Variants in ART3 observed in about 807,000 individuals in gnomAD.
The protein encoded by ART3 is ADP-ribosyltransferase 3 (inactive).
ART3 carries 49 observed loss-of-function variants against 48.5 expected under a neutral mutation model. That is an observed-to-expected ratio of 1.01 (90% CI 0.80 to 1.28). ART3 has a LOEUF of 1.28. ART3 is among the 50% of genes most tolerant of loss of function. The probability of loss-of-function intolerance (pLI) is 0.00; values close to 1 mark genes in which losing one functional copy is unlikely to be tolerated. For synonymous variants in ART3, 145 were observed against 157.2 expected (o/e 0.92, Z 0.58); for missense variants, 438 against 454.3 (o/e 0.96, Z 0.33).
intron 2 of ART3, among the ~76,000 whole-genome samples, chr4:76,076,942 CT>C (rs79661366): frequency 0.12 from 17,782 of 151,882 alleles, 1,378 homozygotes; most frequent in East Asian, 0.35. Context: ...AACTGTTATC[CT>C]TTTTTGAATT....
intron 1 of ART3, among the ~76,000 whole-genome samples, chr4:76,019,045 G>GAAAAAAA (rs72190608): frequency 1.1e-5 from 1 of 87,492 alleles, no homozygotes; most frequent in African/African-American, 3.9e-5. Context: ...CCATCTCAAG[G>GAAAAAAA]AAAAAAAAAA....
At chr4:76,100,426 A>G in intron 6 of ART3, 106 bp downstream of exon 6, 5 of 1,128,696 alleles carry the variant, frequency 4.4e-6, no homozygotes, top group Non-Finnish European at 6.5e-6. Context: ...AGGTCAGGAG[A>G]TTGAGACCAT....
At chr4:76,101,083 A>G in intron 8 of ART3, 64 bp downstream of exon 8, 7 of 1,581,122 alleles carry the variant, frequency 4.4e-6, no homozygotes, top group South Asian at 1.1e-5. Context: ...TACATGTGGG[A>G]ACAGGGAAGA....
At chr4:76,108,850 G>T (rs1728956882) in intron 11 of ART3, among the ~76,000 whole-genome samples, 1 of 152,148 alleles carries the variant, frequency 6.6e-6, no homozygotes, top group Admixed American at 6.5e-5. Context: ...GTAGGCAGCG[G>T]TAACACAGTG....
chr4:76,040,518 T>G (rs1734869169), intron 1 of ART3, among the ~76,000 whole-genome samples: 1 of 88,264 alleles, frequency 1.1e-5, no homozygotes, highest in African/African-American at 5.2e-5. Flanking sequence ...TATATCAGGT[T>G]CTCCCCCCCG....
intron 2 of ART3, among the ~76,000 whole-genome samples, chr4:76,080,730 T>C (rs112613787): frequency 0.032 from 4,900 of 152,166 alleles, 110 homozygotes; most frequent in Non-Finnish European, 0.047. Flanking sequence ...AGGCTGGTCT[T>C]GAACTCCTGA....
chr4:76,048,342 G>A (rs1578316746), intron 1 of ART3, among the ~76,000 whole-genome samples: 1 of 151,978 alleles, frequency 6.6e-6, no homozygotes, highest in South Asian at 2.1e-4. Context: ...CCCCATCAGA[G>A]AGAGAATATT....
chr4:76,076,595 C>G (rs894297673), intron 2 of ART3, among the ~76,000 whole-genome samples: 5 of 152,174 alleles, frequency 3.3e-5, no homozygotes, highest in Non-Finnish European at 7.3e-5. Flanking sequence ...TGGGTTCACA[C>G]TGTACATAGA....
chr4:76,050,025 G>A (rs1445138966), intron 1 of ART3, among the ~76,000 whole-genome samples: 2 of 151,960 alleles, frequency 1.3e-5, no homozygotes. Flanking sequence ...GTCTGGAGTT[G>A]TTCGTTCCTC....
intron 1 of ART3, among the ~76,000 whole-genome samples, chr4:76,040,437 T>TACACACACACACACGCGCACAC: frequency 1.1e-5 from 1 of 88,496 alleles, no homozygotes; most frequent in Admixed American, 1.4e-4. Context: ...ATACACTGGA[T>TACACACACACACACGCGCACAC]ACACACACAC....
At position 76,104,598 on chromosome 4, in the gene ART3, A is replaced by G; in HGVS notation, c.972A>G (p.Gly324=). The G allele has an allele frequency of 6.4e-7, 1 of 1,551,588 alleles. No individual in the cohort carries two copies. Among genetic ancestry groups the G allele is most frequent in the East Asian group, 2.4e-5 (1 of 40,918 alleles). ...VKILEPTQIP[G]MKIPEPFPLP... ...ATTGGAAACTTCCTTCTCATTTAGG[A>G]ATGAAAATTCCAGAACCTTTTCCAC... Residue 324 remains glycine (G), a splice_region_variant and synonymous_variant, in exon 10 of 12, where the codon GGA becomes GGG. Coordinates refer to ENST00000355810, the MANE Select transcript of ART3 (RefSeq NM_001130016.3).
intron 1 of ART3, among the ~76,000 whole-genome samples, chr4:76,019,749 C>T (rs757637892): frequency 5.6e-4 from 85 of 151,504 alleles, no homozygotes; most frequent in Non-Finnish European, 1.0e-3. Context: ...CCACCGCGCC[C>T]GGCCATATCA....
intron 1 of ART3, among the ~76,000 whole-genome samples, chr4:76,024,104 A>G (rs1578215382): frequency 6.6e-6 from 1 of 152,306 alleles, no homozygotes; most frequent in Non-Finnish European, 1.5e-5. Context: ...CAACATAACT[A>G]TTTTGAGGGA....
intron 1 of ART3, chr4:76,036,199 C>G: frequency 1.9e-6 from 1 of 529,742 alleles, no homozygotes; most frequent in Non-Finnish European, 3.3e-6. Context: ...TTGTTCTCTT[C>G]TAAATGTTAC....
At chr4:76,038,306 A>G (rs1416449307) in intron 1 of ART3, among the ~76,000 whole-genome samples, 2 of 152,164 alleles carry the variant, frequency 1.3e-5, no homozygotes, top group Non-Finnish European at 2.9e-5. Context: ...CTAATTTATA[A>G]ATCAAACTTT....
At chr4:76,022,532 G>A (rs1286232296) in intron 1 of ART3, 2 of 1,503,896 alleles carry the variant, frequency 1.3e-6, no homozygotes, top group African/African-American at 1.4e-5. Context: ...CAGTTCTGAA[G>A]TCAGACATTT....
At chr4:76,042,942 A>G (rs1252820208) in intron 1 of ART3, among the ~76,000 whole-genome samples, 7 of 151,716 alleles carry the variant, frequency 4.6e-5, no homozygotes, top group Non-Finnish European at 1.0e-4. Context: ...ACAGGGCGTG[A>G]TTGGTGCGTT....
intron 10 of ART3, among the ~76,000 whole-genome samples, chr4:76,106,667 A>G (rs1489722919): frequency 6.6e-6 from 1 of 152,180 alleles, no homozygotes; most frequent in Non-Finnish European, 1.5e-5. Context: ...GAATGTGCTT[A>G]TTAAGGCCCA....
intron 2 of ART3, among the ~76,000 whole-genome samples, chr4:76,080,313 T>C (rs1722175708): frequency 6.6e-6 from 1 of 152,152 alleles, no homozygotes; most frequent in Non-Finnish European, 1.5e-5. Context: ...CATATATTCC[T>C]AGCATGAAAT....
Sources: gnomAD v4.1 joint callset for allele counts (sites outside exome capture counted in the v4.1 genomes callset) on GRCh38, gnomAD v4.1.1 for gene constraint, MANE v1.5 for transcripts, NCBI Gene and HGNC (gene_info 2026-07-23, HGNC 2026-07-21) for gene names.